SLCO3A1: variants seen among roughly 807,000 people sequenced by gnomAD.
The protein encoded by SLCO3A1 is PGE1 transporter.
SLCO3A1 carries 27 observed loss-of-function variants against 63.1 expected under a neutral mutation model. The ratio of observed to expected loss-of-function variants is 0.43; its 90% confidence interval spans 0.32 to 0.59. The LOEUF (loss-of-function observed/expected upper bound fraction) is 0.59, where lower values mean the gene tolerates loss of function less well. SLCO3A1 is among the 20% of genes least tolerant of loss of function. The pLI, the probability that SLCO3A1 is intolerant of heterozygous loss-of-function variation, is 0.09. For missense variants in SLCO3A1, 773 were observed against 945.8 expected (o/e 0.82, Z 2.40); for synonymous variants, 473 against 409.9 (o/e 1.15, Z -1.86).
rs1052391886 is a variant in SLCO3A1 at position 91,967,577 on chromosome 15, A to G, written c.646+51119A>G. ...AGCACTCGACATATAATAAAAATCA[A>G]TATGGATAAGACACCTATTACACAG... On this transcript the variant is annotated intron_variant, in intron 2 of 9. Coordinates refer to ENST00000318445, the MANE Select transcript of SLCO3A1 (RefSeq NM_013272.4). The surrounding 1 kb of genome is among the most constrained non-coding windows in gnomAD (Gnocchi z 4.4). Among the ~76,000 whole-genome samples, 8 of 152,244 alleles carry G rather than the reference A, an allele frequency of 5.3e-5. No homozygotes were observed. The highest frequency in any genetic ancestry group is 4.6e-4 in the Admixed American group (7 of 15,290).
chr15:92,054,215 T>C (rs548969112), intron 2 of SLCO3A1, among the ~76,000 whole-genome samples: 3 of 152,366 alleles, frequency 2.0e-5, no homozygotes, highest in African/African-American at 4.8e-5. Flanking sequence ...CTTTTTACTT[T>C]CTGGCTCTAT....
At position 91,886,106 on chromosome 15, in the gene SLCO3A1, A is replaced by G. The variant is rs1417778393; in HGVS notation, c.181-29887A>G. On this transcript the variant is annotated intron_variant, in intron 1 of 9. Coordinates refer to ENST00000318445, the MANE Select transcript of SLCO3A1 (RefSeq NM_013272.4). The surrounding 1 kb of genome is among the most constrained non-coding windows in gnomAD (Gnocchi z 4.9). ...TGGGGCTGGCAAATCTGACTAGTCC[A>G]TTTCCCTAGTACTCCTGCTTACCTC... Among the ~76,000 whole-genome samples, 1 of 152,086 alleles carries G rather than the reference A, an allele frequency of 6.6e-6. No individual in the cohort carries two copies. The highest frequency in any genetic ancestry group is 6.5e-5 in the Admixed American group (1 of 15,268).
intron 1 of SLCO3A1, among the ~76,000 whole-genome samples, chr15:91,857,924 G>C (rs1008439969): frequency 4.6e-5 from 7 of 152,184 alleles, no homozygotes; most frequent in Non-Finnish European, 8.8e-5. Flanking sequence ...ACAAGGGGTA[G>C]GTATTTCCCT....
chr15:91,951,922 G>T (rs546593756), intron 2 of SLCO3A1, among the ~76,000 whole-genome samples: 4 of 152,224 alleles, frequency 2.6e-5, no homozygotes, highest in Admixed American at 2.6e-4. Context: ...AATTGGAACT[G>T]CTGTGTCGTG....
In SLCO3A1 at chr15:92,163,241, AGG is replaced by A; in HGVS notation, c.*107_*108del. 7.0e-7 allele frequency: 1 copy of A among 1,426,954 alleles called. No homozygotes were observed. The highest frequency in any genetic ancestry group is 2.5e-5 in the East Asian group (1 of 39,404). 88.4% of individuals were successfully genotyped at this position (1,426,954 alleles called of 1,614,324 possible). Reference sequence around the variant, plus strand: ...AAACCAAAACTCAGTACACACACACAGGCACAGATGCACACACACGCAGACAG... The same window carrying A: ...AAACCAAAACTCAGTACACACACACACACAGATGCACACACACGCAGACAG... On this transcript the variant is annotated 3_prime_UTR_variant, in exon 10 of 10. Coordinates refer to ENST00000318445, the MANE Select transcript of SLCO3A1 (RefSeq NM_013272.4).
intron 3 of SLCO3A1, among the ~76,000 whole-genome samples, chr15:92,103,240 C>A (rs924822471): frequency 6.6e-6 from 1 of 152,154 alleles, no homozygotes; most frequent in Non-Finnish European, 1.5e-5. Context: ...CTCCCCAGTT[C>A]TCCTTCCATG....
At chr15:92,040,587 C>A (rs1338938499) in intron 2 of SLCO3A1, among the ~76,000 whole-genome samples, 2 of 152,134 alleles carry the variant, frequency 1.3e-5, no homozygotes, top group African/African-American at 4.8e-5. Flanking sequence ...AGTGTCCTAC[C>A]ATGACACTGG....
intron 2 of SLCO3A1, among the ~76,000 whole-genome samples, chr15:91,969,519 C>A (rs1227172242): frequency 6.6e-6 from 1 of 152,128 alleles, no homozygotes; most frequent in Non-Finnish European, 1.5e-5. Flanking sequence ...GTTGGCCAGG[C>A]TGGTCTCAAA....
chr15:92,099,512 T>G (rs2151541379), intron 3 of SLCO3A1, among the ~76,000 whole-genome samples: 1 of 152,284 alleles, frequency 6.6e-6, no homozygotes, highest in East Asian at 1.9e-4. Context: ...TGCTTTGATC[T>G]CCTCTTCTCA....
At chr15:91,922,952 T>C (rs1271257110) in intron 2 of SLCO3A1, among the ~76,000 whole-genome samples, 1 of 152,168 alleles carries the variant, frequency 6.6e-6, no homozygotes, top group African/African-American at 2.4e-5. Context: ...TTCTCATTCA[T>C]TCGCAGCCAC....
intron 4 of SLCO3A1, among the ~76,000 whole-genome samples, chr15:92,118,339 A>G (rs752547518): frequency 5.6e-4 from 86 of 152,314 alleles, no homozygotes; most frequent in Admixed American, 9.8e-4. Flanking sequence ...GGCTTTGCCA[A>G]TTCCAAGCTT....
Position 92,165,172 on chromosome 15 carries a change from G to A in SLCO3A1, c.*2037G>A, listed in dbSNP as rs528587781. ...CAACCAAAAGAAAAGCTGTGTCGTG[G>A]TATGGGGCCACCGTGATCAGCTACC... On this transcript the variant is annotated 3_prime_UTR_variant, in exon 10 of 10. Coordinates refer to ENST00000318445, the MANE Select transcript of SLCO3A1 (RefSeq NM_013272.4). 5.1e-6 allele frequency: 5 copies of A among 985,410 alleles called. No individual in the cohort carries two copies. The highest frequency in any genetic ancestry group is 9.4e-5 in the South Asian group (2 of 21,292). The allele number at this position is 985,410 out of a possible 1,614,324, so 61.0% of individuals were successfully genotyped here. A position where few individuals can be genotyped will look rare whatever the true frequency, so the allele number is the denominator to read the frequency against.
chr15:91,871,209 C>A (rs1897271731), intron 1 of SLCO3A1, among the ~76,000 whole-genome samples: 1 of 152,100 alleles, frequency 6.6e-6, no homozygotes, highest in South Asian at 2.1e-4. Flanking sequence ...TGTTTCTGTT[C>A]ATGCTTTCTG....
chr15:92,061,853 C>G (rs1159591799), intron 2 of SLCO3A1, among the ~76,000 whole-genome samples: 1 of 152,226 alleles, frequency 6.6e-6, no homozygotes, highest in Non-Finnish European at 1.5e-5. Flanking sequence ...ACACAAGGGC[C>G]TCCCCTTTGG....
At chr15:91,914,990 A>G (rs1323632496) in intron 1 of SLCO3A1, among the ~76,000 whole-genome samples, 4 of 152,130 alleles carry the variant, frequency 2.6e-5, no homozygotes, top group South Asian at 2.1e-4. Context: ...CAGATCTCCC[A>G]TGACAAGGAC....
chr15:92,107,399 C>A (rs557701884), intron 4 of SLCO3A1, among the ~76,000 whole-genome samples: 1 of 152,134 alleles, frequency 6.6e-6, no homozygotes, highest in Non-Finnish European at 1.5e-5. Context: ...TTTCTCCATG[C>A]GAGACACATG....
chr15:92,001,573 T>A (rs1211660468), intron 2 of SLCO3A1, among the ~76,000 whole-genome samples: 1 of 152,224 alleles, frequency 6.6e-6, no homozygotes, highest in Non-Finnish European at 1.5e-5. Flanking sequence ...ACTTAAATGC[T>A]GGTTCAGCTC....
At position 92,150,977 on chromosome 15, in the gene SLCO3A1, C is replaced by G; in HGVS notation, c.1716C>G (p.Tyr572Ter). Residue 572 changes from tyrosine to a stop codon, truncating the protein, a stop_gained, in exon 9 of 10, where the codon TAC becomes TAG. Transcript: ENST00000318445. LOFTEE classifies it high-confidence loss of function. ...CAGTCAGCCCTGAACTCAAGTCTTA[C>G]GCTTTGGGAGTTCTTTTTCTCCTCC... is the stretch of plus-strand genomic sequence containing the variant. ...IRTVSPELKS[Y>*]ALGVLFLLLR... 1 of 1,612,738 alleles carries G rather than the reference C, an allele frequency of 6.2e-7. No individual in the cohort carries two copies. The highest frequency in any genetic ancestry group is 8.5e-7 in the Non-Finnish European group (1 of 1,179,474).
chr15:91,874,438 A>G (rs891527036), intron 1 of SLCO3A1, among the ~76,000 whole-genome samples: 2 of 152,246 alleles, frequency 1.3e-5, no homozygotes. Flanking sequence ...AGCCCTGGCC[A>G]CCACTGTTCA....
Sources: gnomAD v4.1 joint callset for allele counts (sites outside exome capture counted in the v4.1 genomes callset) on GRCh38, gnomAD v4.1.1 for gene constraint, Gnocchi (gnomAD v3.1) non-coding constraint, MANE v1.5 for transcripts, NCBI Gene and HGNC (gene_info 2026-07-23, HGNC 2026-07-21) for gene names.